GABRA5: variants seen among roughly 807,000 people sequenced by gnomAD.
GABRA5 encodes the protein gamma-aminobutyric acid type A receptor subunit alpha5, also known as gamma-aminobutyric acid receptor subunit alpha-5.
A neutral mutation model predicts 47.3 loss-of-function variants in GABRA5; 18 were observed. The observed-to-expected ratio is 0.38, with a 90% CI of 0.26 to 0.56. GABRA5 has a LOEUF of 0.56. Ranked by LOEUF, GABRA5 falls within the 20% of genes least tolerant of loss-of-function variation. The probability of loss-of-function intolerance (pLI) is 0.71; values close to 1 mark genes in which losing one functional copy is unlikely to be tolerated. For missense variants in GABRA5, 365 were observed against 599.3 expected (o/e 0.61, Z 4.08); for synonymous variants, 237 against 229.3 (o/e 1.03, Z -0.30).
intron 6 of GABRA5, among the ~76,000 whole-genome samples, chr15:26,907,315 C>A (rs1893468435): frequency 6.6e-6 from 1 of 152,124 alleles, no homozygotes. Context: ...TTCAGTAATA[C>A]CCTAAGTTGA....
At chr15:26,889,888 T>C (rs1335604669) in intron 6 of GABRA5, among the ~76,000 whole-genome samples, 1 of 152,260 alleles carries the variant, frequency 6.6e-6, no homozygotes, top group Non-Finnish European at 1.5e-5. Context: ...TAGACATTCA[T>C]GAATACATAT....
chr15:26,919,962 A>AC (rs1277413831), intron 7 of GABRA5, among the ~76,000 whole-genome samples: 1 of 151,940 alleles, frequency 6.6e-6, no homozygotes, highest in Non-Finnish European at 1.5e-5. Context: ...TGATAAAAAA[A>AC]AATCCATTCA....
chr15:26,936,318 C>G (rs1247752097), intron 7 of GABRA5, among the ~76,000 whole-genome samples: 5 of 152,122 alleles, frequency 3.3e-5, no homozygotes, highest in Non-Finnish European at 7.3e-5. Context: ...CTTTGGGCTC[C>G]TTTGCAAGCT....
At chr15:26,942,160 AC>A (rs1894400115) in intron 9 of GABRA5, among the ~76,000 whole-genome samples, 1 of 152,180 alleles carries the variant, frequency 6.6e-6, no homozygotes, top group African/African-American at 2.4e-5. Context: ...CTCGCTAAAC[AC>A]TTTTAAATCT....
intron 6 of GABRA5, among the ~76,000 whole-genome samples, chr15:26,913,900 T>C (rs1316906600): frequency 6.6e-6 from 1 of 152,146 alleles, no homozygotes; most frequent in East Asian, 1.9e-4. Flanking sequence ...TGATTGTTAT[T>C]GTCATGGCTC....
chr15:26,924,309 T>A lies in GABRA5; in HGVS notation c.580+9424T>A, dbSNP rs77505186. 0.01 allele frequency among the ~76,000 whole-genome samples: 1,581 copies of A among 152,108 alleles called. 110 individuals carry two copies. The East Asian group carries it at 0.19, about 18-fold the overall frequency. On this transcript the variant is annotated intron_variant, in intron 7 of 10. Transcript: ENST00000335625. ...TTGTTAATGCTAGTGTGTACAGGAC[T>A]TCCAGATCCATGCTAGGCCTCTACT...
intron 6 of GABRA5, among the ~76,000 whole-genome samples, chr15:26,909,193 T>C (rs986602081): frequency 6.6e-6 from 1 of 152,124 alleles, no homozygotes; most frequent in Non-Finnish European, 1.5e-5. Flanking sequence ...GATTCCTTGG[T>C]TCATGGTCCT....
At chr15:26,884,394 T>C (rs565508651) in intron 6 of GABRA5, among the ~76,000 whole-genome samples, 1 of 152,274 alleles carries the variant, frequency 6.6e-6, no homozygotes, top group African/African-American at 2.4e-5. Context: ...AACAAATTGG[T>C]CAATGAGAAA....
chr15:26,879,124 A>G (rs1337552677), intron 3 of GABRA5, among the ~76,000 whole-genome samples: 1 of 152,232 alleles, frequency 6.6e-6, no homozygotes, highest in African/African-American at 2.4e-5. Flanking sequence ...CACCATTAAG[A>G]TCTGCTTTTT....
In GABRA5 at chr15:26,883,189, G is replaced by A. The variant is rs1892779080; in HGVS notation, c.232G>A (p.Asp78Asn). The A allele has an allele frequency of 2.5e-6, 4 of 1,613,796 alleles. 1 individual carries two copies. The South Asian group carries it at 3.3e-5, about 13-fold the overall frequency. ...AGAGCGCATCACTCAGGTGAGGACC[G>A]ACATCTACGTCACCAGCTTCGGCCC... The part of the protein sequence containing the change: ...LGERITQVRT[D>N]IYVTSFGPVS... The change falls in exon 5 of 11, where the codon GAC (aspartate) becomes AAC (asparagine). Residue 78 changes from aspartate (D) to asparagine (N), a missense_variant. Coordinates refer to ENST00000335625, the MANE Select transcript of GABRA5 (RefSeq NM_000810.4). This position sits in a 1 kb window ranked among gnomAD's most constrained non-coding sequence, Gnocchi z 4.8.
At chr15:26,894,305 G>C (rs1264730132) in intron 6 of GABRA5, among the ~76,000 whole-genome samples, 3 of 152,180 alleles carry the variant, frequency 2.0e-5, no homozygotes, top group African/African-American at 7.2e-5. Flanking sequence ...CTCGACTCCA[G>C]AGAGGCCGGT....
chr15:26,938,717 A>G lies in GABRA5; in HGVS notation c.725-1208A>G, dbSNP rs74006532. 3.1e-3 allele frequency among the ~76,000 whole-genome samples: 465 copies of G among 152,304 alleles called. 2 individuals are homozygous for G. Among genetic ancestry groups the G allele is most frequent in the African/African-American group, 0.011 (454 of 41,556 alleles). Reference sequence around the variant, plus strand: ...TCTGCTCCCTCACCTGCTGCGGACTATGGGGAAAGTGCACCTTTGCACTGC... The same window carrying G: ...TCTGCTCCCTCACCTGCTGCGGACTGTGGGGAAAGTGCACCTTTGCACTGC... On this transcript the variant is annotated intron_variant, in intron 8 of 10. Coordinates refer to ENST00000335625, the MANE Select transcript of GABRA5 (RefSeq NM_000810.4).
chr15:26,902,762 G>A (rs143294587), intron 6 of GABRA5, among the ~76,000 whole-genome samples: 70 of 152,192 alleles, frequency 4.6e-4, no homozygotes, highest in African/African-American at 1.6e-3. Context: ...TAAGTATGAT[G>A]TTAGCTGTAG....
intron 6 of GABRA5, among the ~76,000 whole-genome samples, chr15:26,884,003 C>CA (rs1892810870): frequency 7.1e-6 from 1 of 140,754 alleles, no homozygotes; most frequent in Non-Finnish European, 1.6e-5. Context: ...CTTGTTTCTA[C>CA]CAAAAAAAAA....
At chr15:26,935,200 C>G (rs190027319) in intron 7 of GABRA5, among the ~76,000 whole-genome samples, 1 of 152,314 alleles carries the variant, frequency 6.6e-6, no homozygotes, top group East Asian at 1.9e-4. Context: ...GTCCAGCTGA[C>G]GCACTGCAAC....
intron 3 of GABRA5, chr15:26,877,791 A>G (rs985763408): frequency 2.6e-6 from 1 of 386,538 alleles, no homozygotes; most frequent in African/African-American, 2.1e-5. Context: ...AATAATTCCT[A>G]TTTTAAGAGA....
chr15:26,874,027 C>T lies in GABRA5; in HGVS notation c.86+4693C>T, dbSNP rs116401003. Among the ~76,000 whole-genome samples, 1,474 of 152,300 alleles carry T rather than the reference C, an allele frequency of 9.7e-3. 29 individuals are homozygous for T. The highest frequency in any genetic ancestry group is 0.033 in the African/African-American group (1,359 of 41,570). On this transcript the variant is annotated intron_variant, in intron 3 of 10. Coordinates refer to ENST00000335625, the MANE Select transcript of GABRA5 (RefSeq NM_000810.4). ...GCAGGCACTGAGCAGGCAGGAGAGT[C>T]GGCCAGCGCAGCTCTCCGCCAAGAC...
At position 26,886,730 on chromosome 15, in the gene GABRA5, G is replaced by A. The variant is rs141809497; in HGVS notation, c.497+3173G>A. Among the ~76,000 whole-genome samples the A allele has an allele frequency of 3.5e-3, 540 of 152,316 alleles. 4 individuals carry two copies. The highest frequency in any genetic ancestry group is 0.012 in the African/African-American group (513 of 41,570). ...GTGTCATGCCCAGAAGGGAGCCAAG[G>A]AGAGGTGAGAACCAGAGCGACTTGC... is the stretch of plus-strand genomic sequence containing the variant. On this transcript the variant is annotated intron_variant, in intron 6 of 10. Transcript: ENST00000335625.
intron 6 of GABRA5, among the ~76,000 whole-genome samples, chr15:26,884,059 T>C (rs1489734477): frequency 6.6e-6 from 1 of 151,884 alleles, no homozygotes; most frequent in Non-Finnish European, 1.5e-5. Context: ...CGAGGAGGCA[T>C]GCACCTGTGG....
Sources: allele counts gnomAD v4.1 joint callset (sites outside exome capture counted in the v4.1 genomes callset), GRCh38; gene constraint gnomAD v4.1.1; non-coding constraint Gnocchi (gnomAD v3.1); transcripts MANE v1.5; gene names NCBI Gene and HGNC (gene_info 2026-07-23, HGNC 2026-07-21).